Variants in ZNF322 observed in about 807,000 individuals in gnomAD.
ZNF322 encodes the protein HLA complex group 12.
Under a neutral mutation model 18.3 loss-of-function variants are expected in ZNF322, and 1 was observed. That is an observed-to-expected ratio of 0.05 (90% CI 0.02 to 0.26). ZNF322 has a LOEUF of 0.26. Among genes scored for constraint, ZNF322 ranks in the 10% least tolerant of loss-of-function variants. The pLI is 1.00. For missense variants in ZNF322, 36 were observed against 403.6 expected, an observed-to-expected ratio of 0.09 and a Z score of 7.80; for synonymous variants, 17 against 130.7, an observed-to-expected ratio of 0.13 and a Z score of 5.93.
intron 3 of ZNF322, among the ~76,000 whole-genome samples, chr6:26,641,529 T>C (rs980864462): frequency 3.3e-5 from 5 of 152,178 alleles, no homozygotes; most frequent in Admixed American, 6.5e-5. Context: ...ACTGTGTCTA[T>C]GTAGAAAAAG....
intron 2 of ZNF322, among the ~76,000 whole-genome samples, chr6:26,655,992 TAGAC>T (rs1253525645): frequency 2.6e-5 from 4 of 152,240 alleles, no homozygotes; most frequent in Admixed American, 6.5e-5. Flanking sequence ...GTTTGTTTAA[TAGAC>T]AGAGGCAAAA....
rs186886899 is a variant in ZNF322 at position 26,654,602 on chromosome 6, G to T, written c.-246+3956C>A. 1.3e-4 allele frequency among the ~76,000 whole-genome samples: 20 copies of T among 151,862 alleles called. No individual in the cohort carries two copies. In the East Asian group the frequency reaches 3.5e-3, roughly 26 times the overall value. On this transcript the variant is annotated intron_variant, in intron 2 of 3. Coordinates refer to ENST00000415922, the MANE Select transcript of ZNF322 (RefSeq NM_024639.5). ...CAGAACATTGAAATAAGTAATAACA[G>T]TAATAAATTAGTCACACAATAAGAA...
rs539543492 is a variant in ZNF322 at position 26,642,688 on chromosome 6, ATTTTC to A, written c.-176+966_-176+970del. ...CTAACGTATCACAAGCATTACTCCTATTTTCTTTTATTAAATTCAGTTTACAGAGC... is the reference window on the plus strand; with the variant it reads ...CTAACGTATCACAAGCATTACTCCTATTTTATTAAATTCAGTTTACAGAGC... On this transcript the variant is annotated intron_variant, in intron 3 of 3. Coordinates refer to ENST00000415922, the MANE Select transcript of ZNF322 (RefSeq NM_024639.5). Among the ~76,000 whole-genome samples, 49 of 152,118 alleles carry A rather than the reference ATTTTC, an allele frequency of 3.2e-4. 1 individual carries two copies. The East Asian group carries it at 8.7e-3, about 27-fold the overall frequency.
intron 3 of ZNF322, among the ~76,000 whole-genome samples, chr6:26,639,553 A>T (rs1765431068): frequency 6.6e-6 from 1 of 152,150 alleles, no homozygotes; most frequent in African/African-American, 2.4e-5. Flanking sequence ...CACCTAAAGG[A>T]TCAAGTATCT....
intron 2 of ZNF322, among the ~76,000 whole-genome samples, chr6:26,651,032 T>C (rs782261070): frequency 2.6e-5 from 4 of 152,174 alleles, no homozygotes; most frequent in Non-Finnish European, 5.9e-5. Context: ...CTTACTATAC[T>C]ATTTGAAGTT....
intron 3 of ZNF322, 51 bp from the exon 4 acceptor site, chr6:26,638,779 A>G: frequency 1.5e-6 from 1 of 677,548 alleles, no homozygotes; most frequent in Non-Finnish European, 2.2e-6. Flanking sequence ...TAAGAAAAGA[A>G]TTCTCAAAAT....
At chr6:26,657,860 C>T (rs1479640525) in intron 2 of ZNF322, among the ~76,000 whole-genome samples, 1 of 152,018 alleles carries the variant, frequency 6.6e-6, no homozygotes, top group African/African-American at 2.4e-5. Context: ...CAGGATGCTT[C>T]TCTTGCCCCA....
intron 2 of ZNF322, among the ~76,000 whole-genome samples, chr6:26,653,911 T>C (rs1554149462): frequency 6.6e-6 from 1 of 151,938 alleles, no homozygotes; most frequent in Non-Finnish European, 1.5e-5. Context: ...GAGAAAAGCA[T>C]AAAAACAAAT....
At chr6:26,640,608 A>C (rs974287217) in intron 3 of ZNF322, among the ~76,000 whole-genome samples, 18 of 152,136 alleles carry the variant, frequency 1.2e-4, no homozygotes, top group Non-Finnish European at 2.5e-4. Context: ...ACTCACAAAA[A>C]CAACACTCCT....
At chr6:26,645,002 C>A (rs190627245) in intron 2 of ZNF322, among the ~76,000 whole-genome samples, 113 of 152,210 alleles carry the variant, frequency 7.4e-4, no homozygotes, top group Admixed American at 2.4e-3. Flanking sequence ...GTGTGTTGTT[C>A]CCCTCCCTGT....
At chr6:26,652,375 AAAC>A (rs1323119586) in intron 2 of ZNF322, among the ~76,000 whole-genome samples, 2 of 152,144 alleles carry the variant, frequency 1.3e-5, no homozygotes, top group Non-Finnish European at 2.9e-5. Flanking sequence ...CTCAACAAGA[AAAC>A]AAACCAGTTT....
intron 2 of ZNF322, among the ~76,000 whole-genome samples, chr6:26,653,378 C>T (rs1035770663): frequency 1.1e-4 from 17 of 152,118 alleles, no homozygotes; most frequent in Non-Finnish European, 1.9e-4. Flanking sequence ...TAGAAATGGA[C>T]TCTGAAGATT....
At chr6:26,647,159 G>A (rs528986485) in intron 2 of ZNF322, among the ~76,000 whole-genome samples, 1 of 151,772 alleles carries the variant, frequency 6.6e-6, no homozygotes, top group African/African-American at 2.4e-5. Flanking sequence ...AAATAAGTAG[G>A]TATGGTAGCT....
chr6:26,652,306 G>C (rs1765685175), intron 2 of ZNF322, among the ~76,000 whole-genome samples: 1 of 152,010 alleles, frequency 6.6e-6, no homozygotes, highest in Non-Finnish European at 1.5e-5. Context: ...ATTAAAGACT[G>C]TTATTCCAAA....
chr6:26,638,933 C>A (rs1000379769), intron 3 of ZNF322, among the ~76,000 whole-genome samples: 1 of 152,182 alleles, frequency 6.6e-6, no homozygotes, highest in Non-Finnish European at 1.5e-5. Flanking sequence ...CAAGTAAGAA[C>A]TCTTTTCTCT....
rs188641453 is a variant in ZNF322, at chr6:26,656,011, A to G, written c.-246+2547T>C. ...GTTTAATAGACAGAGGCAAAATCATAAAGCAAACATGGTAAAATGTTAACA... is the reference window on the plus strand; with the variant it reads ...GTTTAATAGACAGAGGCAAAATCATGAAGCAAACATGGTAAAATGTTAACA... On this transcript the variant is annotated intron_variant, in intron 2 of 3. Transcript: ENST00000415922. Among the ~76,000 whole-genome samples, 919 of 152,354 alleles carry G rather than the reference A, an allele frequency of 6.0e-3. 6 individuals are homozygous for G. Among genetic ancestry groups the G allele is most frequent in the African/African-American group, 0.017 (695 of 41,580 alleles).
chr6:26,659,566 G>C lies in ZNF322; in HGVS notation c.-460C>G, dbSNP rs1490018901. On this transcript the variant is annotated 5_prime_UTR_variant, in exon 1 of 4. Coordinates refer to ENST00000415922, the MANE Select transcript of ZNF322 (RefSeq NM_024639.5). Reference sequence around the variant, plus strand: ...TAGTAGATCTAAGGGCCAGGCTTCGGGAAGGAAAGAAAAGCGAACCCGGCA... The same window carrying C: ...TAGTAGATCTAAGGGCCAGGCTTCGCGAAGGAAAGAAAAGCGAACCCGGCA... The C allele has an allele frequency of 6.0e-6, 1 of 166,688 alleles. No individual in the cohort carries two copies. The highest frequency in any genetic ancestry group is 6.5e-5 in the Admixed American group (1 of 15,298). The allele number at this position is 166,688 out of a possible 1,614,324, so 10.3% of individuals were successfully genotyped here.
At chr6:26,654,145 TGAA>T (rs1373707622) in intron 2 of ZNF322, among the ~76,000 whole-genome samples, 1 of 152,108 alleles carries the variant, frequency 6.6e-6, no homozygotes, top group Non-Finnish European at 1.5e-5. Flanking sequence ...CCATTGTCAA[TGAA>T]GAAGGCTACA....
Position 26,657,093 on chromosome 6 carries a change from C to G in ZNF322, c.-246+1465G>C, listed in dbSNP as rs1765792521. Among the ~76,000 whole-genome samples the G allele has an allele frequency of 1.3e-5, 2 of 151,994 alleles. 1 individual carries two copies. The highest frequency in any genetic ancestry group is 3.9e-4 in the East Asian group (2 of 5,098). ...GAAACCCCGTCTCTGCTAAAAAGTA[C>G]AAAAAAATTAGCCAGGTGTGGTGGC... On this transcript the variant is annotated intron_variant, in intron 2 of 3. Coordinates refer to ENST00000415922, the MANE Select transcript of ZNF322 (RefSeq NM_024639.5).
Sources: allele counts gnomAD v4.1 joint callset (sites outside exome capture counted in the v4.1 genomes callset), GRCh38; gene constraint gnomAD v4.1.1; transcripts MANE v1.5; gene names NCBI Gene and HGNC (gene_info 2026-07-23, HGNC 2026-07-21).